The following MOB3A variants were observed in gnomAD, a reference collection of about 807,000 sequenced individuals.
The protein encoded by MOB3A is MOB LAK.
Under a neutral mutation model 17.8 loss-of-function variants are expected in MOB3A, and 17 were observed. That is an observed-to-expected ratio of 0.95 (90% CI 0.65 to 1.43). The LOEUF (loss-of-function observed/expected upper bound fraction) is 1.43. Among genes scored for constraint, MOB3A ranks in the 40% most tolerant of loss-of-function variants. The pLI is 0.00. For missense variants in MOB3A, 333 were observed against 310.8 expected, an observed-to-expected ratio of 1.07 and a Z score of -0.54; for synonymous variants, 124 against 133.2, an observed-to-expected ratio of 0.93 and a Z score of 0.48.
chr19:2,092,524 C>G (rs761720990), intron 1 of MOB3A, among the ~76,000 whole-genome samples: 3 of 152,072 alleles, frequency 2.0e-5, no homozygotes, highest in African/African-American at 4.8e-5. Flanking sequence ...CGCCTGTAAT[C>G]CCAGCACTTT....
At chr19:2,084,013 C>T in intron 2 of MOB3A, 1 of 360,540 alleles carries the variant, frequency 2.8e-6, no homozygotes, top group South Asian at 1.9e-5. Context: ...CTCAAGTGAT[C>T]CTCCTACGTC....
intron 2 of MOB3A, chr19:2,084,255 G>A (rs1029426609): frequency 4.5e-6 from 2 of 443,764 alleles, no homozygotes; most frequent in South Asian, 1.6e-5. Context: ...CACTTTGGGA[G>A]GCCGAGGTGG....
chr19:2,077,170 G>A (rs998279373), intron 3 of MOB3A, among the ~76,000 whole-genome samples, 157 bp from the exon 4 acceptor site: 2 of 152,184 alleles, frequency 1.3e-5, no homozygotes, highest in Non-Finnish European at 1.5e-5. Flanking sequence ...GGAGGCCGAG[G>A]CAGGCAGATC....
chr19:2,086,237 G>C (rs1225639090), intron 1 of MOB3A, among the ~76,000 whole-genome samples: 1 of 151,928 alleles, frequency 6.6e-6, no homozygotes, highest in Non-Finnish European at 1.5e-5. Context: ...GTGGGGTTTC[G>C]CCATGTTGGC....
At position 2,073,355 on chromosome 19, in the gene MOB3A, C is replaced by T; in HGVS notation, c.*40G>A. The T allele has an allele frequency of 1.9e-6, 3 of 1,611,420 alleles. 1 individual carries two copies. The South Asian group carries it at 3.3e-5, about 18-fold the overall frequency. On this transcript the variant is annotated 3_prime_UTR_variant, in exon 5 of 5. Transcript: ENST00000357066. ...AGCGTCCTCCTCCAAGTCTCCGAGG[C>T]CCCAGCGGCGGTTCGGGCACCGGGA...
intron 2 of MOB3A, among the ~76,000 whole-genome samples, chr19:2,081,833 A>G (rs1176309712): frequency 6.6e-6 from 1 of 152,054 alleles, no homozygotes; most frequent in Admixed American, 6.6e-5. Flanking sequence ...GCAGTGAGCC[A>G]AGGTCGGGCC....
intron 1 of MOB3A, among the ~76,000 whole-genome samples, chr19:2,091,707 A>C (rs1029837658): frequency 6.7e-6 from 1 of 150,198 alleles, no homozygotes; most frequent in Non-Finnish European, 1.5e-5. Context: ...TTGTTAAAGA[A>C]GGAATAAAAG....
intron 1 of MOB3A, among the ~76,000 whole-genome samples, chr19:2,095,900 T>C (rs1428011057): frequency 6.6e-6 from 1 of 151,936 alleles, no homozygotes; most frequent in African/African-American, 2.4e-5. Context: ...GCGCGCCACC[T>C]CGTCCGGCTA....
chr19:2,090,522 C>T (rs968797467), intron 1 of MOB3A, among the ~76,000 whole-genome samples: 4 of 152,064 alleles, frequency 2.6e-5, no homozygotes, highest in South Asian at 2.1e-4. Context: ...CCTGCAGTGC[C>T]CAGGACACTC....
At chr19:2,091,299 G>A (rs1401601174) in intron 1 of MOB3A, among the ~76,000 whole-genome samples, 1 of 152,182 alleles carries the variant, frequency 6.6e-6, no homozygotes. Context: ...GTTTTAAGAA[G>A]AATGAGACAC....
chr19:2,087,896 C>A (rs1335335369), intron 1 of MOB3A, among the ~76,000 whole-genome samples: 3 of 152,210 alleles, frequency 2.0e-5, no homozygotes, highest in Non-Finnish European at 4.4e-5. Flanking sequence ...TGGGCACCAC[C>A]GACTTGGCAC....
chr19:2,076,668 G>C, intron 4 of MOB3A, 143 bp downstream of exon 4: 1 of 748,690 alleles, frequency 1.3e-6, no homozygotes, highest in Non-Finnish European at 2.2e-6. Flanking sequence ...CCATCAGCAG[G>C]GTCCCCGGGG....
At chr19:2,090,852 C>T (rs749035929) in intron 1 of MOB3A, among the ~76,000 whole-genome samples, 9 of 152,060 alleles carry the variant, frequency 5.9e-5, no homozygotes, top group Non-Finnish European at 1.0e-4. Flanking sequence ...TTAGTAGAGA[C>T]GGGGTTTCAC....
At chr19:2,081,056 C>T (rs1048434793) in intron 2 of MOB3A, among the ~76,000 whole-genome samples, 8 of 152,014 alleles carry the variant, frequency 5.3e-5, no homozygotes, top group Admixed American at 1.3e-4. Context: ...TGTTTGAGCC[C>T]GGGAGTTCGA....
At chr19:2,079,973 AG>A (rs2144922435) in intron 2 of MOB3A, among the ~76,000 whole-genome samples, 1 of 152,312 alleles carries the variant, frequency 6.6e-6, no homozygotes, top group Non-Finnish European at 1.5e-5. Context: ...CTCAGGGGAC[AG>A]AGACAGAGTC....
chr19:2,093,424 G>T lies in MOB3A; in HGVS notation c.-274+2802C>A, dbSNP rs551788416. 6.6e-6 allele frequency among the ~76,000 whole-genome samples: 1 copy of T among 152,292 alleles called. No individual in the cohort carries two copies. Among genetic ancestry groups the T allele is most frequent in the African/African-American group, 2.4e-5 (1 of 41,572 alleles). On this transcript the variant is annotated intron_variant, in intron 1 of 4. Coordinates refer to ENST00000357066, the MANE Select transcript of MOB3A (RefSeq NM_130807.3). This position sits in a 1 kb window ranked among gnomAD's most constrained non-coding sequence, Gnocchi z 4.6. ...AAGGCAAATCCGACTTCAGAAACGG[G>T]ATTCTGGGAGGAGGCCTTCACTTCT...
intron 1 of MOB3A, among the ~76,000 whole-genome samples, chr19:2,094,173 A>C (rs1018714232): frequency 4.0e-5 from 6 of 150,206 alleles, no homozygotes; most frequent in African/African-American, 1.5e-4. Flanking sequence ...CAGCCTCCCG[A>C]GTAGCTGGGA....
intron 4 of MOB3A, among the ~76,000 whole-genome samples, chr19:2,075,531 G>A (rs577389648): frequency 1.8e-4 from 27 of 152,174 alleles, no homozygotes; most frequent in African/African-American, 6.5e-4. Flanking sequence ...AGGCTGGTGG[G>A]GTCCCGCTCT....
chr19:2,088,948 C>G lies in MOB3A; in HGVS notation c.-273-3620G>C, dbSNP rs1018902472. Among the ~76,000 whole-genome samples, 7 of 152,204 alleles carry G rather than the reference C, an allele frequency of 4.6e-5. No homozygotes were observed. The East Asian group carries it at 1.2e-3, about 25-fold the overall frequency. On this transcript the variant is annotated intron_variant, in intron 1 of 4. Transcript: ENST00000357066. The stretch of plus-strand genomic sequence containing the variant: ...TAATTTTTACAAATTGCCAACCTCA[C>G]CACTAGTTAGTACACAGTGACTGTA...
Sources: allele counts gnomAD v4.1 joint callset (sites outside exome capture counted in the v4.1 genomes callset), GRCh38; gene constraint gnomAD v4.1.1; non-coding constraint Gnocchi (gnomAD v3.1); transcripts MANE v1.5; gene names NCBI Gene and HGNC (gene_info 2026-07-23, HGNC 2026-07-21).